MAP3K19: variants seen among roughly 807,000 people sequenced by gnomAD.
MAP3K19 encodes mitogen-activated protein kinase kinase kinase 19.
In MAP3K19, 91 loss-of-function variants were observed where a neutral mutation model predicts 114.4. The ratio of observed to expected loss-of-function variants is 0.80; its 90% CI spans 0.67 to 0.95. MAP3K19 has a LOEUF of 0.95. Ranked by LOEUF, MAP3K19 falls within the 40% of genes least tolerant of loss-of-function variation. The pLI, the probability that MAP3K19 is intolerant of heterozygous loss-of-function variation, is 0.00. For missense variants in MAP3K19, 1,471 were observed against 1,573.2 expected (o/e 0.94, Z 1.10); for synonymous variants, 518 against 530.5 (o/e 0.98, Z 0.32).
Position 134,980,867 on chromosome 2 carries a change from G to C in MAP3K19, c.3874C>G (p.His1292Asp), listed in dbSNP as rs759961297. 1 of 1,614,056 alleles carries C rather than the reference G, an allele frequency of 6.2e-7. No individual in the cohort carries two copies. The highest frequency in any genetic ancestry group is 1.3e-5 in the African/African-American group (1 of 74,918). The change falls in exon 12 of 13, where the codon CAC becomes GAC. Residue 1292 changes from histidine to aspartate, a missense_variant. His to Asp is a moderately conservative substitution (Grantham distance 81, BLOSUM62 -1). Transcript: ENST00000392915. The stretch of plus-strand genomic sequence containing the variant: ...AAGTCTGCTGCATTTTCTGAGAAGT[G>C]GTCTGGTAAAGGAGGCATCAGCCCT... ...HRGLMPPLPD[H>D]FSENAADFVR...
chr2:135,036,609 T>A (rs1210342646), intron 2 of MAP3K19, among the ~76,000 whole-genome samples: 1 of 151,236 alleles, frequency 6.6e-6, no homozygotes, highest in Non-Finnish European at 1.5e-5. Flanking sequence ...AATATACAAG[T>A]GGAAATATTT....
rs1233314733 is a variant in MAP3K19, at chr2:134,968,562, T to A, written c.3921-3646A>T. On this transcript the variant is annotated intron_variant, in intron 12 of 12. Coordinates refer to ENST00000392915, the MANE Select transcript of MAP3K19 (RefSeq NM_025052.5). ...CTCCTCACTTCCCAGACGGGGTGGC[T>A]GCCGGGCGGAGGGGCTCCTCACTTC... Among the ~76,000 whole-genome samples the A allele has an allele frequency of 1.3e-4, 19 of 145,782 alleles. No individual in the cohort carries two copies. The East Asian group carries it at 2.3e-3, about 17-fold the overall frequency.
chr2:134,983,804 TC>T lies in MAP3K19; in HGVS notation c.3093del (p.Ile1032TyrfsTer22), dbSNP rs1209055241. ...VKIQRHSSGL[R>X]IYDREEKFLI... ...AGAAATTTCTCCTCCCTGTCATATA[TC>T]CTGAGCCCACTACTATGCCTCTGGA... On this transcript the variant is annotated frameshift_variant, in exon 11 of 13. Coordinates refer to ENST00000392915, the MANE Select transcript of MAP3K19 (RefSeq NM_025052.5). LOFTEE classifies it high-confidence loss of function. The T allele has an allele frequency of 4.4e-6, 7 of 1,594,524 alleles. No homozygotes were observed. Among genetic ancestry groups the T allele is most frequent in the Non-Finnish European group, 6.0e-6 (7 of 1,173,196 alleles).
At position 134,988,268 on chromosome 2, in the gene MAP3K19, G is replaced by A. The variant is rs144971662; in HGVS notation, c.619-15C>T. The A allele has an allele frequency of 1.4e-4, 207 of 1,528,838 alleles. No homozygotes were observed. Among genetic ancestry groups the A allele is most frequent in the Non-Finnish European group, 1.8e-4 (203 of 1,148,786 alleles). The allele number at this position is 1,528,838 out of a possible 1,614,324, so 94.7% of individuals were successfully genotyped here. A position where few individuals can be genotyped will look rare whatever the true frequency, so the allele number is the denominator to read the frequency against. On this transcript the variant is annotated splice_polypyrimidine_tract_variant and intron_variant, in intron 9 of 12. Coordinates refer to ENST00000392915, the MANE Select transcript of MAP3K19 (RefSeq NM_025052.5). The stretch of plus-strand genomic sequence containing the variant: ...GGCAGAAGGAACTAAAAGGAAGACA[G>A]AAAAAGCTGTGAATGCAGAAACATA...
Position 134,998,859 on chromosome 2 carries a change from C to T in MAP3K19, c.453G>A (p.Glu151=). 1 of 1,614,214 alleles carries T rather than the reference C, an allele frequency of 6.2e-7. No individual in the cohort carries two copies. The highest frequency in any genetic ancestry group is 2.2e-5 in the East Asian group (1 of 44,888). ...LVLQKEESSR[E]LCNVNLGFLL... ...AAAAGCCCAAGTTCACATTGCAGAGCTCCCTGGAACTTTCCTCTTTTTGCA... is the reference window on the plus strand; with the variant it reads ...AAAAGCCCAAGTTCACATTGCAGAGTTCCCTGGAACTTTCCTCTTTTTGCA... The change falls in exon 8 of 13, where the codon GAG becomes GAA. Residue 151 remains glutamate, a synonymous_variant. Transcript: ENST00000392915.
intron 12 of MAP3K19, among the ~76,000 whole-genome samples, chr2:134,972,398 C>A (rs1219702862): frequency 6.6e-6 from 1 of 152,036 alleles, no homozygotes; most frequent in African/African-American, 2.4e-5. Flanking sequence ...ATAATCTGAT[C>A]TTTATTTCTT....
At chr2:134,970,394 AT>A (rs1381567520) in intron 12 of MAP3K19, among the ~76,000 whole-genome samples, 1 of 151,738 alleles carries the variant, frequency 6.6e-6, no homozygotes, top group Non-Finnish European at 1.5e-5. Context: ...TGCCTTCTTG[AT>A]TTCTTTTTCA....
At chr2:135,027,347 AAG>A (rs1404778323) in intron 3 of MAP3K19, among the ~76,000 whole-genome samples, 1 of 137,110 alleles carries the variant, frequency 7.3e-6, no homozygotes, top group Non-Finnish European at 1.5e-5. Flanking sequence ...GAAAGAAAGA[AAG>A]AGAGAAAGAA....
At chr2:135,020,669 T>C (rs55798523) in intron 5 of MAP3K19, among the ~76,000 whole-genome samples, 20,378 of 152,162 alleles carry the variant, frequency 0.13, 1,729 homozygotes, top group South Asian at 0.32. Flanking sequence ...GGGAGGGACT[T>C]TGTAGAAGGT....
At chr2:134,998,310 TGAA>T (rs1332570000) in intron 8 of MAP3K19, among the ~76,000 whole-genome samples, 2 of 152,068 alleles carry the variant, frequency 1.3e-5, no homozygotes, top group Non-Finnish European at 2.9e-5. Flanking sequence ...GAGCTCACAA[TGAA>T]GATTTTCAAA....
intron 5 of MAP3K19, among the ~76,000 whole-genome samples, chr2:135,018,312 T>C (rs1574031982): frequency 7.2e-6 from 1 of 138,444 alleles, no homozygotes; most frequent in South Asian, 2.3e-4. Context: ...AAAGAATTGA[T>C]AGTAGTTTAA....
intron 3 of MAP3K19, among the ~76,000 whole-genome samples, chr2:135,027,347 A>AAGAGAGAAAGAAAGAAAGAG (rs1688280255): frequency 7.3e-6 from 1 of 137,112 alleles, no homozygotes; most frequent in Non-Finnish European, 1.5e-5. Flanking sequence ...GAAAGAAAGA[A>AAGAGAGAAAGAAAGAAAGAG]AGAGAGAAAG....
intron 12 of MAP3K19, among the ~76,000 whole-genome samples, chr2:134,977,356 ATTTTTTTT>A (rs774277347): frequency 2.2e-4 from 19 of 86,840 alleles, no homozygotes; most frequent in African/African-American, 9.4e-4. Context: ...TAATTTTTAA[ATTTTTTTT>A]TTTTTTTTTT....
intron 2 of MAP3K19, among the ~76,000 whole-genome samples, chr2:135,031,561 T>C (rs1175578908): frequency 4.6e-5 from 7 of 152,136 alleles, no homozygotes; most frequent in Non-Finnish European, 2.9e-5. Flanking sequence ...TTCAGGGCAA[T>C]AGGCAGACAG....
At chr2:135,022,336 A>C (rs1354531526) in intron 4 of MAP3K19, among the ~76,000 whole-genome samples, 1 of 152,204 alleles carries the variant, frequency 6.6e-6, no homozygotes, top group African/African-American at 2.4e-5. Flanking sequence ...AGCCATCAGC[A>C]GTTCAAGGTT....
intron 3 of MAP3K19, among the ~76,000 whole-genome samples, chr2:135,026,750 T>C (rs972294776): frequency 6.6e-6 from 1 of 152,212 alleles, no homozygotes; most frequent in Non-Finnish European, 1.5e-5. Context: ...TTTCAGACAT[T>C]GACAGTGTTT....
chr2:135,026,294 G>C (rs1688254092), intron 3 of MAP3K19, among the ~76,000 whole-genome samples: 1 of 152,178 alleles, frequency 6.6e-6, no homozygotes, highest in African/African-American at 2.4e-5. Context: ...GGCATACCTT[G>C]ATTTCCAGTA....
intron 6 of MAP3K19, among the ~76,000 whole-genome samples, chr2:135,004,034 T>C (rs1686637043): frequency 1.3e-5 from 2 of 152,206 alleles, no homozygotes; most frequent in Non-Finnish European, 1.5e-5. Context: ...ACTCAAGTTG[T>C]TAAAAGCTTA....
In MAP3K19 at chr2:134,972,088, TACAA is replaced by T. The variant is rs1683921220; in HGVS notation, c.3921-7176_3921-7173del. Among the ~76,000 whole-genome samples the T allele has an allele frequency of 2.0e-5, 3 of 152,290 alleles. No individual in the cohort carries two copies. The East Asian group carries it at 5.8e-4, about 29-fold the overall frequency. ...CCTCTCAAGCATTTATCCTTTGTGT[TACAA>T]ACAATCTAATTACACTCTTTTAATT... On this transcript the variant is annotated intron_variant, in intron 12 of 12. Transcript: ENST00000392915.
Sources: gnomAD v4.1 joint callset for allele counts (sites outside exome capture counted in the v4.1 genomes callset) on GRCh38, gnomAD v4.1.1 for gene constraint, MANE v1.5 for transcripts, NCBI Gene and HGNC (gene_info 2026-07-23, HGNC 2026-07-21) for gene names.